CACNA1E: variants seen among roughly 807,000 people sequenced by gnomAD.
CACNA1E encodes voltage-dependent R-type calcium channel subunit alpha-1E.
In CACNA1E, 40 loss-of-function variants were observed where a neutral mutation model predicts 259.2. The observed-to-expected ratio is 0.15, with a 90% CI of 0.12 to 0.20. CACNA1E has a LOEUF of 0.20. CACNA1E is among the 10% of genes least tolerant of loss of function. The pLI, the probability that CACNA1E is intolerant of heterozygous loss-of-function variation, is 1.00. For synonymous variants in CACNA1E, 1,104 were observed against 1,138.5 expected, an observed-to-expected ratio of 0.97 and a Z score of 0.61; for missense variants, 1,874 against 3,040.1, an observed-to-expected ratio of 0.62 and a Z score of 9.02.
At chr1:181,435,960 A>T (rs1292823504) in intron 2 of CACNA1E, among the ~76,000 whole-genome samples, 2 of 152,058 alleles carry the variant, frequency 1.3e-5, no homozygotes, top group Non-Finnish European at 2.9e-5. Context: ...ATATTTCCAA[A>T]CCATACATCT....
At chr1:181,694,901 AG>A (rs752314387) in intron 7 of CACNA1E, among the ~76,000 whole-genome samples, 22 of 152,342 alleles carry the variant, frequency 1.4e-4, no homozygotes, top group Admixed American at 3.9e-4. Context: ...AAGAAAATAA[AG>A]GGTACATAAA....
chr1:181,529,354 G>C (rs1418199336), intron 3 of CACNA1E, among the ~76,000 whole-genome samples: 1 of 152,244 alleles, frequency 6.6e-6, no homozygotes, highest in Non-Finnish European at 1.5e-5. Flanking sequence ...GCAGGGGCAG[G>C]GCCCTCATGG....
intron 1 of CACNA1E, among the ~76,000 whole-genome samples, chr1:181,358,206 C>T (rs1250405590): frequency 6.6e-6 from 1 of 152,170 alleles, no homozygotes; most frequent in South Asian, 2.1e-4. Context: ...CCTAAGCAGT[C>T]TTCACTCCTC....
chr1:181,631,846 G>T (rs1331054630), intron 6 of CACNA1E, among the ~76,000 whole-genome samples: 1 of 152,126 alleles, frequency 6.6e-6, no homozygotes, highest in East Asian at 1.9e-4. Flanking sequence ...ATCCTTTGTG[G>T]GAGACACATG....
At chr1:181,480,417 CA>C (rs574287754), upstream of CACNA1E, among the ~76,000 whole-genome samples, 5 of 152,210 alleles carry the variant, frequency 3.3e-5, no homozygotes, top group Non-Finnish European at 5.9e-5. Context: ...CATTAATTCC[CA>C]ACCTATGCAT....
Position 181,733,608 on chromosome 1 carries a change from A to G in CACNA1E, c.3120A>G (p.Leu1040=). Residue 1040 remains leucine, a synonymous_variant, in exon 21 of 48, where the codon CTA becomes CTG. Coordinates refer to ENST00000367573, the MANE Select transcript of CACNA1E (RefSeq NM_001205293.3). The stretch of plus-strand genomic sequence containing the variant: ...AGGCCCTGCTGGGGAATGTGCAGCT[A>G]GACATGGGCCGGGTCATCAGCCAGA... The part of the protein sequence containing the change: ...SEQALLGNVQ[L]DMGRVISQSE... The G allele has an allele frequency of 6.2e-7, 1 of 1,612,982 alleles. No individual in the cohort carries two copies. The highest frequency in any genetic ancestry group is 8.5e-7 in the Non-Finnish European group (1 of 1,179,512).
chr1:181,663,670 C>T (rs1019463960), intron 7 of CACNA1E, among the ~76,000 whole-genome samples: 1 of 152,174 alleles, frequency 6.6e-6, no homozygotes, highest in Non-Finnish European at 1.5e-5. Context: ...ATCACTGGTA[C>T]TGGAGATCCT....
In CACNA1E at chr1:181,755,403, T is replaced by C. The variant is rs2102682335; in HGVS notation, c.3989+6T>C. On this transcript the variant is annotated splice_donor_region_variant and intron_variant, in intron 28 of 47. Transcript: ENST00000367573. ...GACACAGAGAAGGAGTGCATGTAAG[T>C]GCCACCAGCGCATTCCACTTGATTT... 6.8e-6 allele frequency: 11 copies of C among 1,612,808 alleles called. No individual in the cohort carries two copies. The highest frequency in any genetic ancestry group is 9.3e-6 in the Non-Finnish European group (11 of 1,179,026).
rs909472144 is a variant in CACNA1E, at chr1:181,798,008, T to C, written c.6400-284T>C. On this transcript the variant is annotated intron_variant, in intron 47 of 47. Coordinates refer to ENST00000367573, the MANE Select transcript of CACNA1E (RefSeq NM_001205293.3). The surrounding 1 kb of genome is among the most constrained non-coding windows in gnomAD (Gnocchi z 4.2). ...GCATCACCTGGAAGCTTGTTAGAAA[T>C]GCAAAATCTCAGTCCTTGCCCCAGA... Among the ~76,000 whole-genome samples, 2 of 152,164 alleles carry C rather than the reference T, an allele frequency of 1.3e-5. No individual in the cohort carries two copies. The highest frequency in any genetic ancestry group is 6.5e-5 in the Admixed American group (1 of 15,274).
intron 3 of CACNA1E, among the ~76,000 whole-genome samples, chr1:181,553,515 C>G (rs1185686607): frequency 6.6e-6 from 1 of 152,114 alleles, no homozygotes; most frequent in Admixed American, 6.5e-5. Flanking sequence ...GCCTGATTGC[C>G]CTGGCCAGAA....
At chr1:181,437,358 C>T (rs142478290) in intron 2 of CACNA1E, among the ~76,000 whole-genome samples, 2 of 152,234 alleles carry the variant, frequency 1.3e-5, no homozygotes, top group East Asian at 3.9e-4. Context: ...TAGAATGTCA[C>T]ATATAAGAAC....
At chr1:181,437,394 A>T (rs1008239745) in intron 2 of CACNA1E, among the ~76,000 whole-genome samples, 5 of 152,036 alleles carry the variant, frequency 3.3e-5, no homozygotes, top group Admixed American at 2.6e-4. Context: ...TTGCTACCTC[A>T]TACGCCTCTT....
intron 2 of CACNA1E, among the ~76,000 whole-genome samples, chr1:181,441,301 G>A (rs1276249845): frequency 5.9e-5 from 9 of 152,136 alleles, no homozygotes; most frequent in Non-Finnish European, 1.2e-4. Flanking sequence ...ACAAGCGCCT[G>A]CCACCACACC....
intron 3 of CACNA1E, 88 bp from the exon 4 acceptor site, chr1:181,577,678 C>A (rs1238907126): frequency 1.6e-5 from 13 of 812,744 alleles, no homozygotes; most frequent in African/African-American, 3.4e-5. Context: ...GCTTTCCAGG[C>A]TGAGCTTGCC....
chr1:181,529,069 A>G (rs1241901083), intron 3 of CACNA1E, among the ~76,000 whole-genome samples: 1 of 152,184 alleles, frequency 6.6e-6, no homozygotes, highest in African/African-American at 2.4e-5. Flanking sequence ...GAGGCCCAGG[A>G]GGAAAAAGTG....
rs536398134 is a variant in CACNA1E at position 181,432,203 on chromosome 1, T to G, written c.434+18623T>G. Among the ~76,000 whole-genome samples, 3 of 152,200 alleles carry G rather than the reference T, an allele frequency of 2.0e-5. No homozygotes were observed. The South Asian group carries it at 6.2e-4, about 32-fold the overall frequency. On this transcript the variant is annotated intron_variant, in intron 2 of 11. Transcript: ENST00000524607. The stretch of plus-strand genomic sequence containing the variant: ...TGCAAACAAAGAATATGCCCCTAAA[T>G]GAAATGGTGGGATCTAGTTTAATTT...
At chr1:181,402,710 CT>C (rs1439309196) in intron 1 of CACNA1E, among the ~76,000 whole-genome samples, 2 of 152,172 alleles carry the variant, frequency 1.3e-5, no homozygotes, top group African/African-American at 2.4e-5. Context: ...CATGTATGAA[CT>C]TATTACCCCC....
chr1:181,497,880 G>T (rs1312254307), intron 1 of CACNA1E, among the ~76,000 whole-genome samples: 1 of 152,160 alleles, frequency 6.6e-6, no homozygotes, highest in African/African-American at 2.4e-5. Flanking sequence ...CCATCATTAT[G>T]GTCATCATGA....
chr1:181,771,442 T>C, intron 36 of CACNA1E, 58 bp downstream of exon 36: 1 of 883,800 alleles, frequency 1.1e-6, no homozygotes. Flanking sequence ...AGAGAGAGTT[T>C]GTCTGCCTCT....
Sources: gnomAD v4.1 joint callset for allele counts (sites outside exome capture counted in the v4.1 genomes callset) on GRCh38, gnomAD v4.1.1 for gene constraint, Gnocchi (gnomAD v3.1) non-coding constraint, MANE v1.5 for transcripts, NCBI Gene and HGNC (gene_info 2026-07-23, HGNC 2026-07-21) for gene names.